Variants in HACE1 observed in about 807,000 individuals in gnomAD.
HACE1 encodes HECT domain and ankyrin repeat containing E3 ubiquitin protein ligase 1, also known as E3 ubiquitin-protein ligase HACE1.
Under a neutral mutation model 118.4 loss-of-function variants are expected in HACE1, and 73 were observed. The observed-to-expected ratio is 0.62, with a 90% CI of 0.51 to 0.75. The LOEUF (loss-of-function observed/expected upper bound fraction) is 0.75, where lower values mean the gene tolerates loss of function less well. HACE1 is among the 30% of genes least tolerant of loss of function. HACE1 has a pLI of 0.00. For missense variants in HACE1, 749 were observed against 1,102.2 expected, an observed-to-expected ratio of 0.68 and a Z score of 4.54; for synonymous variants, 368 against 374.8, an observed-to-expected ratio of 0.98 and a Z score of 0.21.
chr6:104,785,589 A>AT, intron 11 of HACE1: 2 of 370,814 alleles, frequency 5.4e-6, no homozygotes, highest in South Asian at 6.2e-5. Context: ...TCTAACAAAA[A>AT]ATTCACAATC....
rs554978671 is a variant in HACE1, at chr6:104,857,617, A to G, written c.76+1950T>C. ...ATTCAACATTTGTTACATGCATCCT[A>G]TGAAATTCTGAAGTCATTAAGCCTA... On this transcript the variant is annotated intron_variant, in intron 1 of 23. Transcript: ENST00000262903. Among the ~76,000 whole-genome samples, 31 of 152,024 alleles carry G rather than the reference A, an allele frequency of 2.0e-4. No homozygotes were observed. The East Asian group carries it at 4.3e-3, about 21-fold the overall frequency.
intron 17 of HACE1, among the ~76,000 whole-genome samples, chr6:104,774,116 GTC>G (rs1780949931): frequency 1.1e-5 from 1 of 91,162 alleles, no homozygotes; most frequent in Non-Finnish European, 1.9e-5. Flanking sequence ...TTGAGACGGA[GTC>G]TCGCTCTGTC....
At position 104,744,241 on chromosome 6, in the gene HACE1, G is replaced by A. The variant is rs776703286; in HGVS notation, c.2443-11C>T. ...AACTTCCCAGAACCACTAACAACAA[G>A]AACAAAAAACTTAGCTCATATTTCA... On this transcript the variant is annotated splice_polypyrimidine_tract_variant and intron_variant, in intron 21 of 23. Coordinates refer to ENST00000262903, the MANE Select transcript of HACE1 (RefSeq NM_020771.4). 27 of 1,481,444 alleles carry A rather than the reference G, an allele frequency of 1.8e-5. No individual in the cohort carries two copies. Among genetic ancestry groups the A allele is most frequent in the Non-Finnish European group, 2.4e-5 (26 of 1,064,166 alleles). 91.8% of individuals were successfully genotyped at this position (1,481,444 alleles called of 1,614,324 possible).
At position 104,843,288 on chromosome 6, in the gene HACE1, A is replaced by G. The variant is rs1445562477; in HGVS notation, c.337T>C (p.Cys113Arg). 2 of 1,508,842 alleles carry G rather than the reference A, an allele frequency of 1.3e-6. No individual in the cohort carries two copies. Among genetic ancestry groups the G allele is most frequent in the East Asian group, 2.3e-5 (1 of 44,366 alleles). The allele number at this position is 1,508,842 out of a possible 1,614,324, so 93.5% of individuals were successfully genotyped here. A position where few individuals can be genotyped will look rare whatever the true frequency, so the allele number is the denominator to read the frequency against. The change falls in exon 5 of 24, where the codon TGT becomes CGT. Residue 113 changes from cysteine (C) to arginine (R), a missense_variant. This residue lies in a region of HACE1 where 120 missense variants were observed against 219.1 expected (regional missense o/e 0.55). Coordinates refer to ENST00000262903, the MANE Select transcript of HACE1 (RefSeq NM_020771.4). ...HLAARNGQKK[C>R]MSKLLEYSAD... ...CTATATTCTAATAATTTACTCATAC[A>G]TTTCTTCTGCCTGAAAAGAAAAAAG...
At chr6:104,774,193 C>G (rs1314006373) in intron 17 of HACE1, among the ~76,000 whole-genome samples, 1 of 117,814 alleles carries the variant, frequency 8.5e-6, no homozygotes, top group Non-Finnish European at 1.7e-5. Context: ...GGGTTCACGC[C>G]ATTCTCCTGC....
In HACE1 at chr6:104,808,330, AACT is replaced by A. The variant is rs201068682; in HGVS notation, c.617+2978_617+2980del. On this transcript the variant is annotated intron_variant, in intron 7 of 23. Coordinates refer to ENST00000262903, the MANE Select transcript of HACE1 (RefSeq NM_020771.4). The stretch of plus-strand genomic sequence containing the variant: ...TGTCAGAACTTAGTGAGCACCTATC[AACT>A]ACTAAGTGTTGAATACTCTGCAGCA... Among the ~76,000 whole-genome samples, 1,301 of 152,358 alleles carry A rather than the reference AACT, an allele frequency of 8.5e-3. 13 individuals carry two copies. Among genetic ancestry groups the A allele is most frequent in the Non-Finnish European group, 0.014 (933 of 68,040 alleles).
At chr6:104,743,203 C>A (rs1415996988) in intron 22 of HACE1, among the ~76,000 whole-genome samples, 3 of 149,524 alleles carry the variant, frequency 2.0e-5, no homozygotes, top group African/African-American at 4.9e-5. Context: ...GGGAGATATA[C>A]CTAATGCTAG....
At chr6:104,813,315 C>T (rs896290286) in intron 6 of HACE1, among the ~76,000 whole-genome samples, 1 of 137,712 alleles carries the variant, frequency 7.3e-6, no homozygotes. Context: ...TAGAGAGATC[C>T]CATTTCCACA....
chr6:104,771,956 G>T lies in HACE1; in HGVS notation c.1983C>A (p.Tyr661Ter). The change falls in exon 18 of 24, where the codon TAC becomes TAA. Residue 661 changes from tyrosine (Y) to a stop codon, truncating the protein, a stop_gained. Coordinates refer to ENST00000262903, the MANE Select transcript of HACE1 (RefSeq NM_020771.4). LOFTEE classifies it high-confidence loss of function. ...TGTGCTTGTAGAAGGATCGTGTGAA[G>T]TAAATATTGACCAGCTGCCTGTGGT... ...ALNHRQLVNI[Y>*]FTRSFYKHIL... The T allele has an allele frequency of 6.2e-7, 1 of 1,607,498 alleles. No individual in the cohort carries two copies. Among genetic ancestry groups the T allele is most frequent in the Non-Finnish European group, 8.5e-7 (1 of 1,174,176 alleles).
In HACE1 at chr6:104,774,329, A is replaced by T. The variant is rs1416201529; in HGVS notation, c.1865-2255T>A. Among the ~76,000 whole-genome samples the T allele has an allele frequency of 2.1e-4, 25 of 116,524 alleles. 2 individuals carry two copies. The highest frequency in any genetic ancestry group is 1.6e-3 in the Admixed American group (19 of 11,962). 76.4% of individuals were successfully genotyped at this position (116,524 alleles called of 152,430 possible). On this transcript the variant is annotated intron_variant, in intron 17 of 23. Coordinates refer to ENST00000262903, the MANE Select transcript of HACE1 (RefSeq NM_020771.4). ...ATGGTCTCGATCTCCTGACCTCGTGATCCGCCCGCCTCGGCCTCCCAAAGT... is the reference window on the plus strand; with the variant it reads ...ATGGTCTCGATCTCCTGACCTCGTGTTCCGCCCGCCTCGGCCTCCCAAAGT...
rs200415312 is a variant in HACE1 at position 104,848,380 on chromosome 6, C to T, written c.326+762G>A. 9.3e-5 allele frequency among the ~76,000 whole-genome samples: 14 copies of T among 149,906 alleles called. No individual in the cohort carries two copies. In the East Asian group the frequency reaches 2.2e-3, roughly 24 times the overall value. ...CTGAGGCAGGAGAATCACTTGAACT[C>T]GGGAGATAGAGGTTGCAGCGAGCCG... On this transcript the variant is annotated intron_variant, in intron 4 of 23. Coordinates refer to ENST00000262903, the MANE Select transcript of HACE1 (RefSeq NM_020771.4).
At chr6:104,759,519 G>A (rs775933614) in intron 19 of HACE1, among the ~76,000 whole-genome samples, 19 of 152,022 alleles carry the variant, frequency 1.2e-4, no homozygotes, top group African/African-American at 3.4e-4. Flanking sequence ...AAGACACAAC[G>A]TACCAGAATC....
Position 104,728,594 on chromosome 6 carries a change from AT to A in HACE1, c.*1067del, listed in dbSNP as rs1456802479. The A allele has an allele frequency of 6.6e-6, 1 of 152,154 alleles. No individual in the cohort carries two copies. The highest frequency in any genetic ancestry group is 1.9e-4 in the East Asian group (1 of 5,192). 9.4% of individuals were successfully genotyped at this position (152,154 alleles called of 1,614,324 possible). A position where few individuals can be genotyped will look rare whatever the true frequency, so the allele number is the denominator to read the frequency against. ...CAAACAGTAATGTCATTAATATTCTATTTTTAGTTTCCAAGGGAAGATCCTA... is the reference window on the plus strand; with the variant it reads ...CAAACAGTAATGTCATTAATATTCTATTTTAGTTTCCAAGGGAAGATCCTA... On this transcript the variant is annotated 3_prime_UTR_variant, in exon 24 of 24. Transcript: ENST00000262903.
At chr6:104,803,017 A>T (rs1261204782) in intron 7 of HACE1, among the ~76,000 whole-genome samples, 1 of 152,228 alleles carries the variant, frequency 6.6e-6, no homozygotes, top group Non-Finnish European at 1.5e-5. Context: ...CACAATAAGA[A>T]GTGATAAAGG....
intron 22 of HACE1, among the ~76,000 whole-genome samples, chr6:104,743,070 C>T (rs938746091): frequency 4.0e-5 from 6 of 150,246 alleles, no homozygotes; most frequent in African/African-American, 1.5e-4. Context: ...GAACAAAAAA[C>T]CAAACACCGC....
At chr6:104,855,710 A>G (rs1460630795) in intron 1 of HACE1, among the ~76,000 whole-genome samples, 2 of 152,180 alleles carry the variant, frequency 1.3e-5, no homozygotes, top group Non-Finnish European at 2.9e-5. Context: ...TATCGTTCAT[A>G]TAATAATACA....
chr6:104,788,845 C>T (rs1411789504), intron 11 of HACE1, among the ~76,000 whole-genome samples: 1 of 152,186 alleles, frequency 6.6e-6, no homozygotes, highest in Non-Finnish European at 1.5e-5. Context: ...ACTTGAAGAA[C>T]TTCTAAAATA....
At chr6:104,818,077 T>C (rs1163851594) in intron 6 of HACE1, among the ~76,000 whole-genome samples, 5 of 152,190 alleles carry the variant, frequency 3.3e-5, no homozygotes, top group Admixed American at 1.3e-4. Flanking sequence ...TTTTAAGACA[T>C]AGTATTCACA....
chr6:104,774,080 C>CTCTTTTTTTTTTTTTT (rs1780927579), intron 17 of HACE1, among the ~76,000 whole-genome samples: 1 of 74,854 alleles, frequency 1.3e-5, no homozygotes, highest in African/African-American at 7.9e-5. Flanking sequence ...CATCTTTTCT[C>CTCTTTTTTTTTTTTTT]TTTTTTTTTT....
Sources: allele counts gnomAD v4.1 joint callset (sites outside exome capture counted in the v4.1 genomes callset), GRCh38; gene constraint gnomAD v4.1.1; regional missense constraint gnomAD v4.1.1; transcripts MANE v1.5; gene names NCBI Gene and HGNC (gene_info 2026-07-23, HGNC 2026-07-21).